HMGXB3: variants seen among roughly 807,000 people sequenced by gnomAD.
The protein encoded by HMGXB3 is HMG domain-containing protein 3.
HMGXB3 carries 45 observed loss-of-function variants against 121.5 expected under a neutral mutation model. The ratio of observed to expected loss-of-function variants is 0.37; its 90% CI spans 0.29 to 0.47. The LOEUF is 0.47. Ranked by LOEUF, HMGXB3 falls within the 20% of genes least tolerant of loss-of-function variation. The pLI is 0.99. For synonymous variants in HMGXB3, 590 were observed against 624.1 expected (o/e 0.95, Z 0.81); for missense variants, 1,376 against 1,602.2 (o/e 0.86, Z 2.41).
chr5:150,045,404 C>G, intron 15 of HMGXB3, 62 bp from the exon 16 acceptor site: 6 of 1,342,410 alleles, frequency 4.5e-6, no homozygotes, highest in Non-Finnish European at 5.2e-6. Context: ...ACGGGGTAGG[C>G]TGTTGTGTTG....
rs540814692 is a variant in HMGXB3, at chr5:150,002,498, C to A, written c.-3+1319C>A. 2.6e-5 allele frequency among the ~76,000 whole-genome samples: 4 copies of A among 152,200 alleles called. No individual in the cohort carries two copies. In the East Asian group the frequency reaches 7.7e-4, roughly 29 times the overall value. Reference sequence around the variant, plus strand: ...GGGCTTTGTACTGCACGTATCAGTCCCATATTTACCACCACAACTGCCTCT... The same window carrying A: ...GGGCTTTGTACTGCACGTATCAGTCACATATTTACCACCACAACTGCCTCT... On this transcript the variant is annotated intron_variant, in intron 1 of 19. Coordinates refer to ENST00000502717, the MANE Select transcript of HMGXB3 (RefSeq NM_014983.3).
rs750779692 is a variant in HMGXB3, at chr5:150,018,625, A to G, written c.969A>G (p.Thr323=). The part of the protein sequence containing the change: ...GTCTSPGCSF[T]YVTRHKPPKC... ...GCACCAGCCCAGGGTGCTCCTTTAC[A>G]TATGTCACCAGGCACAAGCCACCTA... The change falls in exon 6 of 20, where the codon ACA becomes ACG. Residue 323 remains threonine, a synonymous_variant. Coordinates refer to ENST00000502717, the MANE Select transcript of HMGXB3 (RefSeq NM_014983.3). The G allele has an allele frequency of 1.7e-5, 26 of 1,551,158 alleles. No individual in the cohort carries two copies. The highest frequency in any genetic ancestry group is 5.5e-5 in the African/African-American group (4 of 73,002).
intron 18 of HMGXB3, 81 bp downstream of exon 18, chr5:150,048,766 T>A: frequency 9.3e-7 from 1 of 1,078,542 alleles, no homozygotes; most frequent in Non-Finnish European, 1.4e-6. Flanking sequence ...AGCTCAGTTT[T>A]GGGGGGCTAG....
intron 5 of HMGXB3, among the ~76,000 whole-genome samples, chr5:150,015,726 C>G (rs1035257097): frequency 7.9e-5 from 12 of 152,178 alleles, no homozygotes; most frequent in Admixed American, 7.2e-4. Context: ...ACTTCTTTGA[C>G]CTATGAGATA....
Position 150,040,210 on chromosome 5 carries a change from G to T in HMGXB3, c.2414-538G>T, listed in dbSNP as rs1057275817. 4.6e-5 allele frequency among the ~76,000 whole-genome samples: 7 copies of T among 151,872 alleles called. No individual in the cohort carries two copies. The South Asian group carries it at 1.5e-3, about 32-fold the overall frequency. On this transcript the variant is annotated intron_variant, in intron 13 of 19. Coordinates refer to ENST00000502717, the MANE Select transcript of HMGXB3 (RefSeq NM_014983.3). ...ATTTTTTGTTTGTTTGTTTAATGAT[G>T]TATTATAGGCAACTTTGCGTCAGAA...
chr5:150,023,707 A>G (rs1041149525), intron 6 of HMGXB3, among the ~76,000 whole-genome samples: 1 of 152,266 alleles, frequency 6.6e-6, no homozygotes, highest in Admixed American at 6.5e-5. Flanking sequence ...GATCCAGTGC[A>G]AAGTATGTGA....
chr5:150,045,293 A>G (rs1756731468), intron 15 of HMGXB3, among the ~76,000 whole-genome samples, 173 bp from the exon 16 acceptor site: 1 of 152,202 alleles, frequency 6.6e-6, no homozygotes, highest in Admixed American at 6.5e-5. Flanking sequence ...AATGTGACCA[A>G]AAGGCAGGTG....
intron 16 of HMGXB3, among the ~76,000 whole-genome samples, chr5:150,046,812 A>T (rs1236761356): frequency 2.0e-5 from 3 of 151,920 alleles, no homozygotes; most frequent in Non-Finnish European, 4.4e-5. Context: ...ACTCCGTCTC[A>T]AAATAAATAA....
intron 6 of HMGXB3, 49 bp from the exon 7 acceptor site, chr5:150,024,213 C>A (rs1472703507): frequency 1.5e-6 from 2 of 1,361,514 alleles, no homozygotes; most frequent in South Asian, 1.5e-5. Context: ...TTGTGAATGT[C>A]ATCAACTGTA....
chr5:150,028,023 C>T (rs1242859250), intron 9 of HMGXB3, among the ~76,000 whole-genome samples: 1 of 152,192 alleles, frequency 6.6e-6, no homozygotes, highest in African/African-American at 2.4e-5. Context: ...GACACAGCCT[C>T]AGGAGGTCCT....
At chr5:150,048,538 T>G (rs1393337698) in intron 17 of HMGXB3, 31 bp from the exon 18 acceptor site, 2 of 1,445,606 alleles carry the variant, frequency 1.4e-6, no homozygotes, top group Admixed American at 2.0e-5. Flanking sequence ...GCATTCGCCC[T>G]TATGTTTTTA....
intron 7 of HMGXB3, among the ~76,000 whole-genome samples, chr5:150,025,573 A>G (rs183041394): frequency 4.0e-5 from 6 of 151,262 alleles, no homozygotes; most frequent in African/African-American, 7.3e-5. Flanking sequence ...TTTTATGTTT[A>G]TTTTTATTGT....
chr5:150,015,239 A>G (rs1755933395), intron 5 of HMGXB3: 2 of 199,896 alleles, frequency 1.0e-5, no homozygotes, highest in South Asian at 1.7e-4. Context: ...TTCTTTTTCT[A>G]GTTTCTTAAG....
chr5:150,019,564 G>A (rs1756039787), intron 6 of HMGXB3, among the ~76,000 whole-genome samples: 1 of 152,166 alleles, frequency 6.6e-6, no homozygotes, highest in South Asian at 2.1e-4. Flanking sequence ...GGGCTAAAAT[G>A]GATGGAAGAG....
chr5:150,018,057 G>C (rs77896947), intron 5 of HMGXB3, among the ~76,000 whole-genome samples: 1,807 of 152,252 alleles, frequency 0.012, 44 homozygotes, highest in African/African-American at 0.041. Context: ...TTGGTTGTCT[G>C]AAGAATGAAG....
chr5:150,020,943 A>C (rs1756077525), intron 6 of HMGXB3, among the ~76,000 whole-genome samples: 1 of 152,018 alleles, frequency 6.6e-6, no homozygotes, highest in Non-Finnish European at 1.5e-5. Context: ...GGATTTCACC[A>C]TGTTGGCCAG....
At chr5:150,001,423 A>G (rs939930037) in intron 1 of HMGXB3, among the ~76,000 whole-genome samples, 4 of 152,192 alleles carry the variant, frequency 2.6e-5, no homozygotes, top group Non-Finnish European at 5.9e-5. Flanking sequence ...CCAGAGTCAA[A>G]CTGTGGCCCA....
chr5:150,006,394 G>A, intron 2 of HMGXB3, 79 bp from the exon 3 acceptor site: 2 of 1,274,826 alleles, frequency 1.6e-6, no homozygotes, highest in Non-Finnish European at 2.2e-6. Flanking sequence ...TGGGTCGAGG[G>A]ATGGGGAGTG....
At chr5:150,028,758 G>A (rs919560739) in intron 9 of HMGXB3, among the ~76,000 whole-genome samples, 5 of 150,662 alleles carry the variant, frequency 3.3e-5, no homozygotes, top group African/African-American at 1.2e-4. Context: ...TTGTAGAAAC[G>A]GGGTCTCTTG....
Sources: gnomAD v4.1 joint callset for allele counts (sites outside exome capture counted in the v4.1 genomes callset) on GRCh38, gnomAD v4.1.1 for gene constraint, MANE v1.5 for transcripts, NCBI Gene and HGNC (gene_info 2026-07-23, HGNC 2026-07-21) for gene names.